Variants in UNC13C observed in about 807,000 individuals in gnomAD.
The protein encoded by UNC13C is unc-13 homolog C.
In UNC13C, 174 loss-of-function variants were observed where a neutral mutation model predicts 245.4. The ratio of observed to expected loss-of-function variants is 0.71; its 90% confidence interval spans 0.63 to 0.80. The LOEUF (loss-of-function observed/expected upper bound fraction) is 0.80, where lower values mean the gene tolerates loss of function less well. Among genes scored for constraint, UNC13C ranks in the 30% least tolerant of loss-of-function variants. UNC13C has a pLI of 0.00. For missense variants in UNC13C, 2,829 were observed against 2,602.9 expected (o/e 1.09, Z -1.89); for synonymous variants, 992 against 895.1 (o/e 1.11, Z -1.93).
At chr15:54,286,005 G>A (rs1421682730) in intron 10 of UNC13C, among the ~76,000 whole-genome samples, 1 of 152,042 alleles carries the variant, frequency 6.6e-6, no homozygotes, top group Non-Finnish European at 1.5e-5. Flanking sequence ...AGCCTCCTGA[G>A]TAGCTGGAGT....
the UNC13C span, among the ~76,000 whole-genome samples, chr15:53,953,508 G>C: frequency 6.6e-6 from 1 of 152,182 alleles, no homozygotes; most frequent in Non-Finnish European, 1.5e-5. Context: ...AGTATTACAA[G>C]AGGAGCAAAA....
intron 12 of UNC13C, 95 bp from the exon 13 acceptor site, chr15:54,300,115 A>T: frequency 8.9e-7 from 1 of 1,123,844 alleles, no homozygotes; most frequent in Admixed American, 2.6e-5. Context: ...ATTAGAGGCA[A>T]TGACAGTGCA....
At chr15:54,050,618 A>G in intron 2 of UNC13C, 1 of 434,306 alleles carries the variant, frequency 2.3e-6, no homozygotes, top group Non-Finnish European at 4.5e-6. Flanking sequence ...AATTAAATTT[A>G]TCATCAGAAC....
At chr15:54,203,852 A>ACATATACACG (rs1158976256) in intron 4 of UNC13C, among the ~76,000 whole-genome samples, 2 of 99,768 alleles carry the variant, frequency 2.0e-5, no homozygotes, top group African/African-American at 6.4e-5. Flanking sequence ...ATATACACGT[A>ACATATACACG]TATATACATA....
chr15:54,485,512 C>A (rs1893358089), intron 19 of UNC13C, among the ~76,000 whole-genome samples: 1 of 152,202 alleles, frequency 6.6e-6, no homozygotes. Flanking sequence ...ACTGCAGTAG[C>A]CTTCTGCATC....
chr15:54,419,491 C>G (rs560478149), intron 19 of UNC13C, among the ~76,000 whole-genome samples: 1 of 152,016 alleles, frequency 6.6e-6, no homozygotes, highest in African/African-American at 2.4e-5. Flanking sequence ...CAGAATCTCA[C>G]GTAAATGGAA....
chr15:54,127,834 T>C (rs991043572), intron 2 of UNC13C, among the ~76,000 whole-genome samples: 4 of 149,104 alleles, frequency 2.7e-5, no homozygotes, highest in African/African-American at 7.3e-5. Flanking sequence ...AGCTTGAACC[T>C]TCCTCCTTGG....
At chr15:54,172,731 T>C (rs1054647893) in intron 4 of UNC13C, among the ~76,000 whole-genome samples, 1 of 67,828 alleles carries the variant, frequency 1.5e-5, no homozygotes, top group African/African-American at 6.4e-5. Context: ...TATATATATA[T>C]ATATATATAT....
chr15:54,217,305 A>C (rs1031035827), intron 4 of UNC13C, among the ~76,000 whole-genome samples: 6 of 151,976 alleles, frequency 3.9e-5, no homozygotes, highest in African/African-American at 9.7e-5. Context: ...AAGTAGCTCA[A>C]CCAGGATGTG....
chr15:54,312,473 C>G (rs892953020), intron 13 of UNC13C, among the ~76,000 whole-genome samples: 2 of 151,682 alleles, frequency 1.3e-5, no homozygotes, highest in Non-Finnish European at 3.0e-5. Flanking sequence ...ATTTCTTTTT[C>G]TGAACAATGT....
chr15:54,050,119 G>A (rs1358352352), intron 2 of UNC13C: 23 of 334,730 alleles, frequency 6.9e-5, no homozygotes, highest in East Asian at 1.5e-4. Flanking sequence ...ACAGGCGCCC[G>A]CCACCACGCC....
At chr15:54,517,552 A>T (rs1265633096) in intron 24 of UNC13C, among the ~76,000 whole-genome samples, 1 of 152,116 alleles carries the variant, frequency 6.6e-6, no homozygotes, top group Non-Finnish European at 1.5e-5. Flanking sequence ...CAGCTGTTCC[A>T]CGTCTTTCTC....
intron 2 of UNC13C, among the ~76,000 whole-genome samples, chr15:54,140,609 A>G (rs2031973060): frequency 6.6e-6 from 1 of 152,248 alleles, no homozygotes; most frequent in African/African-American, 2.4e-5. Context: ...CATAACAGGC[A>G]GTCAGCTCCA....
the UNC13C span, among the ~76,000 whole-genome samples, chr15:53,936,509 G>T: frequency 3.9e-5 from 6 of 152,180 alleles, no homozygotes; most frequent in Admixed American, 6.5e-5. Flanking sequence ...CAGTGCACTT[G>T]CTCTGCCAAG....
In UNC13C at chr15:54,139,349, G is replaced by A. The variant is rs762609679; in HGVS notation, c.2984-3669G>A. On this transcript the variant is annotated intron_variant, in intron 2 of 32. Coordinates refer to ENST00000260323, the MANE Select transcript of UNC13C (RefSeq NM_001080534.3). Reference sequence around the variant, plus strand: ...CATGTTTTAACTAGTTCCGTCTGCAGTGGTCCTATTTCTAAACAAGGCCAC... The same window carrying A: ...CATGTTTTAACTAGTTCCGTCTGCAATGGTCCTATTTCTAAACAAGGCCAC... 3.3e-5 allele frequency among the ~76,000 whole-genome samples: 5 copies of A among 152,166 alleles called. No individual in the cohort carries two copies. The Middle Eastern group carries it at 0.017, about 518-fold the overall frequency.
chr15:54,252,627 G>T (rs959772779), intron 8 of UNC13C, among the ~76,000 whole-genome samples: 1 of 152,096 alleles, frequency 6.6e-6, no homozygotes, highest in African/African-American at 2.4e-5. Flanking sequence ...ATTACCTTAA[G>T]AAATTGATCT....
chr15:54,298,480 A>G (rs1302149727), intron 12 of UNC13C, among the ~76,000 whole-genome samples: 2 of 152,094 alleles, frequency 1.3e-5, no homozygotes, highest in East Asian at 3.9e-4. Context: ...TCTGAGTACA[A>G]CAAGCAGTTT....
chr15:54,382,803 G>C (rs560511822), intron 17 of UNC13C, among the ~76,000 whole-genome samples: 1 of 152,016 alleles, frequency 6.6e-6, no homozygotes, highest in East Asian at 1.9e-4. Context: ...CTGATAACTA[G>C]ACTACCCAAG....
At chr15:54,538,084 C>A (rs1219148554) in intron 26 of UNC13C, among the ~76,000 whole-genome samples, 1 of 112,858 alleles carries the variant, frequency 8.9e-6, no homozygotes, top group African/African-American at 3.4e-5. Context: ...ATGTATCTGA[C>A]AATGGTCTAA....
Sources: allele counts gnomAD v4.1 joint callset (sites outside exome capture counted in the v4.1 genomes callset), GRCh38; gene constraint gnomAD v4.1.1; transcripts MANE v1.5; gene names NCBI Gene and HGNC (gene_info 2026-07-23, HGNC 2026-07-21).